The following TET1 variants were observed in gnomAD, a reference collection of about 807,000 sequenced individuals.
The protein encoded by TET1 is methylcytosine dioxygenase TET1.
A neutral mutation model predicts 148.7 loss-of-function variants in TET1; 13 were observed. The observed-to-expected ratio is 0.09, with a 90% CI of 0.06 to 0.14. TET1 has a LOEUF of 0.14. TET1 is among the 10% of genes least tolerant of loss of function. The pLI is 1.00. For synonymous variants in TET1, 907 were observed against 937.2 expected, an observed-to-expected ratio of 0.97 and a Z score of 0.59; for missense variants, 2,182 against 2,553.8, an observed-to-expected ratio of 0.85 and a Z score of 3.14.
At chr10:68,663,415 T>C (rs952066456) in intron 6 of TET1, among the ~76,000 whole-genome samples, 4 of 152,228 alleles carry the variant, frequency 2.6e-5, no homozygotes, top group Non-Finnish European at 5.9e-5. Flanking sequence ...AACTTCTATC[T>C]GGTTATTCCC....
intron 1 of TET1, among the ~76,000 whole-genome samples, chr10:68,570,077 G>A (rs183836056): frequency 6.9e-4 from 105 of 152,020 alleles, no homozygotes; most frequent in African/African-American, 2.5e-3. Flanking sequence ...CACCCAGGTA[G>A]TGAACATAGT....
intron 6 of TET1, among the ~76,000 whole-genome samples, chr10:68,654,335 G>A (rs529679916): frequency 6.6e-6 from 1 of 151,922 alleles, no homozygotes; most frequent in Non-Finnish European, 1.5e-5. Context: ...AAGGGGATAG[G>A]CCAGGCGCAG....
chr10:68,575,075 A>G (rs897970146), intron 2 of TET1, among the ~76,000 whole-genome samples: 4 of 152,234 alleles, frequency 2.6e-5, no homozygotes, highest in Admixed American at 1.3e-4. Context: ...CAGGTATGGT[A>G]GAATAGATGG....
intron 2 of TET1, among the ~76,000 whole-genome samples, chr10:68,575,419 A>G (rs1207593238): frequency 6.7e-6 from 1 of 149,536 alleles, no homozygotes; most frequent in Non-Finnish European, 1.5e-5. Flanking sequence ...ATAAATAAAT[A>G]AAGTATTGTG....
rs181197892 is a variant in TET1, at chr10:68,608,243, A to G, written c.1968+7209A>G. On this transcript the variant is annotated intron_variant, in intron 3 of 11. Transcript: ENST00000373644. ...GTGCCCAGCCGACAATGTCCTATTT[A>G]TTTATTTATTGAGACGGAGTCTCAC... Among the ~76,000 whole-genome samples the G allele has an allele frequency of 3.0e-3, 398 of 134,310 alleles. 1 individual carries two copies. The highest frequency in any genetic ancestry group is 0.011 in the African/African-American group (375 of 35,286). 88.1% of individuals were successfully genotyped at this position (134,310 alleles called of 152,430 possible). A position where few individuals can be genotyped will look rare whatever the true frequency, so the allele number is the denominator to read the frequency against.
Position 68,646,763 on chromosome 10 carries a change from C to A in TET1, c.4034C>A (p.Pro1345His). The A allele has an allele frequency of 1.9e-6, 3 of 1,614,110 alleles. No homozygotes were observed. Among genetic ancestry groups the A allele is most frequent in the South Asian group, 1.1e-5 (1 of 91,086 alleles). ...TTGCCTGGTATCTCTCATGAAACAC[C>A]CTTACCGGAGTCAGCACTAACTCTC... ...PTLPGISHET[P>H]LPESALTLRN... is the part of the protein sequence containing the mutation. The change falls in exon 4 of 12, where the codon CCC becomes CAC. Residue 1345 changes from proline (P) to histidine (H), a missense_variant. Physicochemically the swap from Pro to His is moderately conservative, Grantham distance 77. Transcript: ENST00000373644.
chr10:68,691,848 T>A lies in TET1; in HGVS notation c.*34T>A. The stretch of plus-strand genomic sequence containing the variant: ...CTCCCCCTCTTAATGCCTTTGCTAG[T>A]GCAGTGTATTTTTTCAAGGTGCTGT... On this transcript the variant is annotated 3_prime_UTR_variant, in exon 12 of 12. Coordinates refer to ENST00000373644, the MANE Select transcript of TET1 (RefSeq NM_030625.3). This position sits in a 1 kb window ranked among gnomAD's most constrained non-coding sequence, Gnocchi z 4.4. The A allele has an allele frequency of 6.4e-7, 1 of 1,553,640 alleles. No homozygotes were observed. Among genetic ancestry groups the A allele is most frequent in the Non-Finnish European group, 8.7e-7 (1 of 1,152,830 alleles).
intron 3 of TET1, among the ~76,000 whole-genome samples, chr10:68,635,612 C>T (rs543766472): frequency 6.6e-6 from 1 of 152,254 alleles, no homozygotes; most frequent in Admixed American, 6.5e-5. Context: ...ACACTAATCA[C>T]CAGAGTTGGT....
chr10:68,674,064 C>T (rs1260365126), intron 8 of TET1, among the ~76,000 whole-genome samples: 1 of 149,450 alleles, frequency 6.7e-6, no homozygotes, highest in African/African-American at 2.5e-5. Context: ...TAGGTTCAAG[C>T]AGTTCTCCTG....
At chr10:68,600,548 C>G (rs1233682085) in intron 2 of TET1, among the ~76,000 whole-genome samples, 3 of 152,188 alleles carry the variant, frequency 2.0e-5, no homozygotes. Context: ...ATTGGCTGCA[C>G]TCTTTGTGGG....
At chr10:68,618,292 A>G (rs753314347) in intron 3 of TET1, among the ~76,000 whole-genome samples, 3 of 152,174 alleles carry the variant, frequency 2.0e-5, no homozygotes, top group Non-Finnish European at 4.4e-5. Flanking sequence ...GAGTCAGGTT[A>G]CTGTATGGTA....
At chr10:68,641,737 G>A (rs765830472) in intron 3 of TET1, among the ~76,000 whole-genome samples, 91 of 152,108 alleles carry the variant, frequency 6.0e-4, no homozygotes, top group Middle Eastern at 3.4e-3. Context: ...TCCTGACCTC[G>A]TGATCCGCTC....
At chr10:68,631,437 T>TTTTTTTTTTTTTTTTTG (rs2054569384) in intron 3 of TET1, among the ~76,000 whole-genome samples, 1 of 135,354 alleles carries the variant, frequency 7.4e-6, no homozygotes, top group Non-Finnish European at 1.5e-5. Context: ...TTTCTTCTTT[T>TTTTTTTTTTTTTTTTTG]TTTTTTTTTT....
chr10:68,687,791 G>T (rs2055535293), intron 11 of TET1, among the ~76,000 whole-genome samples: 14 of 152,114 alleles, frequency 9.2e-5, no homozygotes, highest in Admixed American at 9.2e-4. Flanking sequence ...GGTTTCACCT[G>T]TTTGCCAGGC....
chr10:68,666,423 T>C (rs527943243), intron 6 of TET1, among the ~76,000 whole-genome samples: 1 of 152,326 alleles, frequency 6.6e-6, no homozygotes, highest in Non-Finnish European at 1.5e-5. Context: ...ATTCCTCAGA[T>C]GGCCAAAATT....
intron 2 of TET1, among the ~76,000 whole-genome samples, chr10:68,577,753 A>G (rs1324393326): frequency 6.6e-6 from 1 of 152,194 alleles, no homozygotes; most frequent in Non-Finnish European, 1.5e-5. Flanking sequence ...CGTTGCAGTG[A>G]GCCAAGATCG....
intron 6 of TET1, 134 bp downstream of exon 6, chr10:68,652,728 G>A (rs902585556): frequency 3.5e-5 from 21 of 596,852 alleles, no homozygotes; most frequent in East Asian, 6.7e-5. Flanking sequence ...AGGCTTTGTC[G>A]CCCCGGCTGG....
chr10:68,650,422 C>A (rs1166923309), intron 4 of TET1, among the ~76,000 whole-genome samples: 1 of 151,974 alleles, frequency 6.6e-6, no homozygotes, highest in Admixed American at 6.6e-5. Flanking sequence ...GCGGGTGGGT[C>A]ACCTGAGGTC....
At chr10:68,684,391 TG>T (rs1478161533) in intron 10 of TET1, among the ~76,000 whole-genome samples, 17 of 150,560 alleles carry the variant, frequency 1.1e-4, no homozygotes, top group African/African-American at 3.6e-4. Context: ...TTTTTTTTTT[TG>T]CGTATCATTC....
Sources: allele counts gnomAD v4.1 joint callset (sites outside exome capture counted in the v4.1 genomes callset), GRCh38; gene constraint gnomAD v4.1.1; non-coding constraint Gnocchi (gnomAD v3.1); transcripts MANE v1.5; gene names NCBI Gene and HGNC (gene_info 2026-07-23, HGNC 2026-07-21).